Variants in CPNE1 observed in about 807,000 individuals in gnomAD.
CPNE1 encodes the protein copine-1.
CPNE1 carries 58 observed loss-of-function variants against 63.2 expected under a neutral mutation model. That is an observed-to-expected ratio of 0.92 (90% confidence interval 0.74 to 1.14). The LOEUF (loss-of-function observed/expected upper bound fraction) is 1.14, where lower values mean the gene tolerates loss of function less well. Ranked by LOEUF, CPNE1 falls within the 50% of genes most tolerant of loss-of-function variation. The pLI is 0.00. For synonymous variants in CPNE1, 237 were observed against 249.0 expected (o/e 0.95, Z 0.45); for missense variants, 672 against 661.7 (o/e 1.02, Z -0.17).
intron 1 of CPNE1, chr20:35,654,901 T>C: frequency 6.2e-7 from 1 of 1,614,162 alleles, no homozygotes; most frequent in Non-Finnish European, 8.5e-7. Context: ...GTTGCTTTCA[T>C]GAACAGAAGT....
intron 5 of CPNE1, 29 bp downstream of exon 5, chr20:35,632,134 G>A (rs1369764298): frequency 1.9e-6 from 3 of 1,610,720 alleles, no homozygotes; most frequent in African/African-American, 2.7e-5. Context: ...CTTAACTCTT[G>A]GATTACCAGG....
chr20:35,644,536 C>T (rs966963797), intron 1 of CPNE1, among the ~76,000 whole-genome samples: 7 of 152,174 alleles, frequency 4.6e-5, no homozygotes, highest in Non-Finnish European at 2.9e-5. Flanking sequence ...AAACTGGACA[C>T]AAGCTTATCT....
intron 1 of CPNE1, chr20:35,653,213 C>G: frequency 3.1e-6 from 5 of 1,613,544 alleles, no homozygotes; most frequent in Non-Finnish European, 4.2e-6. Flanking sequence ...AAGGCATGCT[C>G]TTCACCTCCT....
chr20:35,636,546 T>TC (rs1051380120), intron 1 of CPNE1, among the ~76,000 whole-genome samples: 107 of 152,300 alleles, frequency 7.0e-4, no homozygotes, highest in African/African-American at 2.4e-3. Context: ...ACTGTTGTAA[T>TC]CCCAGCGTTT....
At chr20:35,640,220 AC>A (rs529434550) in intron 1 of CPNE1, among the ~76,000 whole-genome samples, 114 of 152,260 alleles carry the variant, frequency 7.5e-4, no homozygotes, top group African/African-American at 2.7e-3. Flanking sequence ...CTCTTCCAAA[AC>A]ATGTTTAATC....
At chr20:35,630,200 A>G (rs1327862743) in intron 13 of CPNE1, among the ~76,000 whole-genome samples, 1 of 152,230 alleles carries the variant, frequency 6.6e-6, no homozygotes, top group Non-Finnish European at 1.5e-5. Context: ...AGGCTGAGGC[A>G]GAAGAATTGC....
Position 35,651,397 on chromosome 20 carries a change from G to A in CPNE1, c.-1+13363C>T, listed in dbSNP as rs550057938. On this transcript the variant is annotated intron_variant, in intron 1 of 15. Coordinates refer to ENST00000397443, the MANE Select transcript of CPNE1 (RefSeq NM_152925.3). Reference sequence around the variant, plus strand: ...CTGTATGAAGACTTTTAGTAAACAGGCTCCTGATCGAACAACTATGCCAAA... The same window carrying A: ...CTGTATGAAGACTTTTAGTAAACAGACTCCTGATCGAACAACTATGCCAAA... 8.5e-5 allele frequency: 13 copies of A among 152,280 alleles called. No individual in the cohort carries two copies. In the South Asian group the frequency reaches 2.1e-3, roughly 24 times the overall value. 9.4% of individuals were successfully genotyped at this position (152,280 alleles called of 1,614,324 possible). A position where few individuals can be genotyped will look rare whatever the true frequency, so the allele number is the denominator to read the frequency against.
intron 1 of CPNE1, 100 bp from the exon 2 acceptor site, chr20:35,633,023 G>A: frequency 1.3e-6 from 1 of 782,554 alleles, no homozygotes; most frequent in Non-Finnish European, 2.2e-6. Context: ...CACCCAGGCA[G>A]GGCTGAGCAT....
intron 1 of CPNE1, chr20:35,649,552 T>C (rs2033354398): frequency 6.6e-6 from 1 of 152,654 alleles, no homozygotes; most frequent in African/African-American, 2.4e-5. Flanking sequence ...AGGAACTACA[T>C]TTCACTTAAC....
chr20:35,651,149 C>T (rs1382095248), intron 1 of CPNE1: 2 of 152,134 alleles, frequency 1.3e-5, no homozygotes, highest in Non-Finnish European at 2.9e-5. Flanking sequence ...ATCATCTCAC[C>T]TATCTCCCCT....
At chr20:35,663,238 CTTGTA>C (rs2034332741) in intron 1 of CPNE1, among the ~76,000 whole-genome samples, 2 of 152,164 alleles carry the variant, frequency 1.3e-5, no homozygotes, top group African/African-American at 2.4e-5. Flanking sequence ...TACAACCAGT[CTTGTA>C]TTGTAGTTCT....
chr20:35,635,116 G>A (rs2032414476), intron 1 of CPNE1, among the ~76,000 whole-genome samples: 1 of 151,574 alleles, frequency 6.6e-6, no homozygotes, highest in Non-Finnish European at 1.5e-5. Flanking sequence ...TATCCACATG[G>A]CTCACTGCTC....
chr20:35,662,597 T>C (rs2034291004), intron 1 of CPNE1, among the ~76,000 whole-genome samples: 2 of 152,230 alleles, frequency 1.3e-5, no homozygotes, highest in Non-Finnish European at 1.5e-5. Flanking sequence ...AACCAACTAC[T>C]GACACTTGGT....
intron 1 of CPNE1, among the ~76,000 whole-genome samples, chr20:35,634,278 A>G (rs1462077342): frequency 6.9e-6 from 1 of 144,202 alleles, no homozygotes; most frequent in Non-Finnish European, 1.5e-5. Context: ...AAAAAAAAAA[A>G]GTGAGGTCAT....
chr20:35,657,753 T>C (rs937946426), intron 1 of CPNE1, among the ~76,000 whole-genome samples: 1 of 152,102 alleles, frequency 6.6e-6, no homozygotes, highest in African/African-American at 2.4e-5. Context: ...GTTTCTAGCT[T>C]CCAAAAAATA....
At chr20:35,643,911 C>G (rs1419220094) in intron 1 of CPNE1, among the ~76,000 whole-genome samples, 2 of 152,124 alleles carry the variant, frequency 1.3e-5, no homozygotes, top group Admixed American at 1.3e-4. Context: ...CTGCCAGTGG[C>G]CTCCCACTTT....
chr20:35,633,303 C>G (rs1303391968), intron 1 of CPNE1, among the ~76,000 whole-genome samples: 1 of 152,178 alleles, frequency 6.6e-6, no homozygotes, highest in Non-Finnish European at 1.5e-5. Context: ...CCTTACTGGC[C>G]CCAGGCCAGA....
chr20:35,630,729 G>C lies in CPNE1; in HGVS notation c.1050+12C>G, dbSNP rs1311248426. The C allele has an allele frequency of 6.2e-7, 1 of 1,613,650 alleles. No individual in the cohort carries two copies. Among genetic ancestry groups the C allele is most frequent in the East Asian group, 2.2e-5 (1 of 44,882 alleles). On this transcript the variant is annotated intron_variant, in intron 12 of 15. Transcript: ENST00000397443. ...ACTGAAAACAGGAGTGGCAGAAAGA[G>C]AGGGAGCTCACCTGCCAGTCAGGGG...
intron 1 of CPNE1, among the ~76,000 whole-genome samples, chr20:35,646,561 C>A (rs754580017): frequency 1.3e-5 from 2 of 151,984 alleles, no homozygotes; most frequent in South Asian, 2.1e-4. Flanking sequence ...TATGAATGAA[C>A]TACTCCCACC....
Sources: gnomAD v4.1 joint callset for allele counts (sites outside exome capture counted in the v4.1 genomes callset) on GRCh38, gnomAD v4.1.1 for gene constraint, MANE v1.5 for transcripts, NCBI Gene and HGNC (gene_info 2026-07-23, HGNC 2026-07-21) for gene names.